Variants in LRBA observed in about 807,000 individuals in gnomAD.
LRBA encodes LPS responsive beige-like anchor protein.
A neutral mutation model predicts 330.0 loss-of-function variants in LRBA; 176 were observed. The ratio of observed to expected loss-of-function variants is 0.53; its 90% confidence interval spans 0.47 to 0.60. LRBA has a LOEUF of 0.60. Among genes scored for constraint, LRBA ranks in the 20% least tolerant of loss-of-function variants. The pLI, the probability that LRBA is intolerant of heterozygous loss-of-function variation, is 0.00. For missense variants in LRBA, 3,259 were observed against 3,444.8 expected (o/e 0.95, Z 1.35); for synonymous variants, 1,230 against 1,193.0 (o/e 1.03, Z -0.64).
At chr4:150,494,057 C>T (rs971432127) in intron 40 of LRBA, among the ~76,000 whole-genome samples, 1 of 151,944 alleles carries the variant, frequency 6.6e-6, no homozygotes, top group African/African-American at 2.4e-5. Context: ...GCACTCCAGC[C>T]TGGGCAACAA....
At chr4:150,279,922 C>T (rs1747288451) in intron 55 of LRBA, among the ~76,000 whole-genome samples, 1 of 152,166 alleles carries the variant, frequency 6.6e-6, no homozygotes, top group African/African-American at 2.4e-5. Flanking sequence ...GGTTGTAGTT[C>T]ATTTGAATTT....
intron 56 of LRBA, among the ~76,000 whole-genome samples, chr4:150,268,902 CA>C (rs759712645): frequency 2.0e-5 from 3 of 152,050 alleles, no homozygotes; most frequent in Non-Finnish European, 4.4e-5. Context: ...AGCAATTACA[CA>C]AGAAAAAAGT....
intron 2 of LRBA, among the ~76,000 whole-genome samples, chr4:150,999,365 C>T (rs1347271732): frequency 6.6e-6 from 1 of 151,864 alleles, no homozygotes; most frequent in African/African-American, 2.4e-5. Context: ...TCCTCTCCCC[C>T]ACAAAAAAAC....
In LRBA at chr4:150,597,745, T is replaced by C. The variant is rs1229912047; in HGVS notation, c.6046+1262A>G. On this transcript the variant is annotated intron_variant, in intron 38 of 56. Coordinates refer to ENST00000651943, the MANE Select transcript of LRBA (RefSeq NM_001364905.1). ...CACAAAAAAAGAAAAAAAAACCCTC[T>C]GAAATCTGTTATCACCACCTAAAAA... Among the ~76,000 whole-genome samples the C allele has an allele frequency of 2.0e-5, 3 of 152,074 alleles. No homozygotes were observed. In the East Asian group the frequency reaches 5.8e-4, roughly 29 times the overall value.
At chr4:150,268,475 C>CAACA (rs1233046405) in intron 56 of LRBA, among the ~76,000 whole-genome samples, 1 of 152,158 alleles carries the variant, frequency 6.6e-6, no homozygotes, top group Non-Finnish European at 1.5e-5. Flanking sequence ...GAAGACATTA[C>CAACA]AACAAAAGAA....
At position 150,282,614 on chromosome 4, in the gene LRBA, C is replaced by T; in HGVS notation, c.8152G>A (p.Asp2718Asn). ...GGACCCTCCAAGGTCCTCAACAAGTCTCCATTCATGGAATGTATGAGACAT... is the reference window on the plus strand; with the variant it reads ...GGACCCTCCAAGGTCCTCAACAAGTTTCCATTCATGGAATGTATGAGACAT... ...GPCLIHSMNGDLLRTLEGPEN... is the reference protein window; with the variant it reads ...GPCLIHSMNGNLLRTLEGPEN... The change falls in exon 55 of 57, where the codon GAC becomes AAC. Residue 2718 changes from aspartate to asparagine, a missense_variant. Coordinates refer to ENST00000651943, the MANE Select transcript of LRBA (RefSeq NM_001364905.1). 6.2e-7 allele frequency: 1 copy of T among 1,612,780 alleles called. No homozygotes were observed. Among genetic ancestry groups the T allele is most frequent in the South Asian group, 1.1e-5 (1 of 90,984 alleles).
chr4:150,562,131 C>T (rs1010254193), intron 40 of LRBA, among the ~76,000 whole-genome samples: 2 of 152,114 alleles, frequency 1.3e-5, no homozygotes, highest in Non-Finnish European at 2.9e-5. Context: ...ATCTCCTGAG[C>T]TTCTTGGCTC....
At chr4:150,687,828 C>A (rs1272694694) in intron 36 of LRBA, among the ~76,000 whole-genome samples, 1 of 152,126 alleles carries the variant, frequency 6.6e-6, no homozygotes, top group Non-Finnish European at 1.5e-5. Flanking sequence ...GAAAAACATT[C>A]CATGCTCATG....
intron 44 of LRBA, among the ~76,000 whole-genome samples, chr4:150,445,377 C>CTCTATA (rs1454079183): frequency 1.8e-4 from 14 of 78,624 alleles, no homozygotes; most frequent in East Asian, 1.2e-3. Context: ...CTCTCTCTCT[C>CTCTATA]TATATATATA....
intron 47 of LRBA, among the ~76,000 whole-genome samples, chr4:150,389,648 G>C (rs1043992176): frequency 4.5e-5 from 6 of 134,590 alleles, no homozygotes; most frequent in African/African-American, 1.7e-4. Context: ...CTGCACTCCA[G>C]CCTGGGTGAC....
At chr4:150,896,543 C>A in intron 15 of LRBA, 87 bp from the exon 16 acceptor site, 1 of 693,078 alleles carries the variant, frequency 1.4e-6, no homozygotes, top group South Asian at 1.9e-5. Flanking sequence ...TCAAGTTGGT[C>A]AGCTACTATA....
rs111964361 is a variant in LRBA at position 150,672,352 on chromosome 4, CT to C, written c.5921+11198del. Among the ~76,000 whole-genome samples, 471 of 141,010 alleles carry C rather than the reference CT, an allele frequency of 3.3e-3. 2 individuals are homozygous for C. The highest frequency in any genetic ancestry group is 0.018 in the South Asian group (78 of 4,396). 92.5% of individuals were successfully genotyped at this position (141,010 alleles called of 152,430 possible). A position where few individuals can be genotyped will look rare whatever the true frequency, so the allele number is the denominator to read the frequency against. ...ATATGTAATAAAGTTTCGATTTTTT[CT>C]TTTTTTTTTTTAGAAGATACTCTCT... On this transcript the variant is annotated intron_variant, in intron 37 of 56. Transcript: ENST00000651943.
At chr4:150,469,040 A>T (rs1305299865) in intron 43 of LRBA, among the ~76,000 whole-genome samples, 2 of 151,994 alleles carry the variant, frequency 1.3e-5, no homozygotes, top group African/African-American at 4.8e-5. Flanking sequence ...AGAAAAAAAA[A>T]TTTTATGCTC....
chr4:150,438,276 G>A (rs1751384586), intron 44 of LRBA, among the ~76,000 whole-genome samples: 1 of 152,120 alleles, frequency 6.6e-6, no homozygotes. Context: ...GAGTCCAGGA[G>A]TTCAAGACCA....
intron 37 of LRBA, among the ~76,000 whole-genome samples, chr4:150,624,718 T>A (rs574806803): frequency 6.6e-6 from 1 of 152,020 alleles, no homozygotes; most frequent in African/African-American, 2.4e-5. Flanking sequence ...AAATGTCAGA[T>A]CCACAAAAAA....
intron 34 of LRBA, among the ~76,000 whole-genome samples, chr4:150,791,567 G>A (rs1473199547): frequency 6.6e-6 from 1 of 152,142 alleles, no homozygotes; most frequent in Non-Finnish European, 1.5e-5. Context: ...ACTTGGGCAA[G>A]GCAGATATAT....
At chr4:150,283,950 C>T (rs1037760564) in intron 54 of LRBA, among the ~76,000 whole-genome samples, 1 of 152,104 alleles carries the variant, frequency 6.6e-6, no homozygotes, top group Non-Finnish European at 1.5e-5. Context: ...TTTTTTGTCT[C>T]CCAGTGATAA....
At chr4:150,608,318 G>T (rs10000655) in intron 37 of LRBA, among the ~76,000 whole-genome samples, 1 of 152,042 alleles carries the variant, frequency 6.6e-6, no homozygotes, top group Non-Finnish European at 1.5e-5. Context: ...TGGGTATTTT[G>T]CTAGACCCAG....
chr4:150,703,845 C>T (rs566800494), intron 36 of LRBA, among the ~76,000 whole-genome samples: 2 of 151,564 alleles, frequency 1.3e-5, no homozygotes, highest in East Asian at 3.9e-4. Flanking sequence ...CTCAAAGAGT[C>T]CATTAGCCCA....
Sources: allele counts gnomAD v4.1 joint callset (sites outside exome capture counted in the v4.1 genomes callset), GRCh38; gene constraint gnomAD v4.1.1; transcripts MANE v1.5; gene names NCBI Gene and HGNC (gene_info 2026-07-23, HGNC 2026-07-21).